The following ZNF90 variants were observed in gnomAD, a reference collection of about 807,000 sequenced individuals.
The protein encoded by ZNF90 is zinc finger protein HTF9.
A neutral mutation model predicts 12.0 loss-of-function variants in ZNF90; 11 were observed. The ratio of observed to expected loss-of-function variants is 0.92; its 90% confidence interval spans 0.58 to 1.52. The LOEUF (loss-of-function observed/expected upper bound fraction) is 1.52. Among genes scored for constraint, ZNF90 ranks in the 40% most tolerant of loss-of-function variants. ZNF90 has a pLI of 0.00. For missense variants in ZNF90, 765 were observed against 711.5 expected, an observed-to-expected ratio of 1.08 and a Z score of -0.86; for synonymous variants, 232 against 240.1, an observed-to-expected ratio of 0.97 and a Z score of 0.31.
rs558352003 is a variant in ZNF90 at position 20,085,885 on chromosome 19, G to T, written c.3+7750G>T. 7.9e-5 allele frequency among the ~76,000 whole-genome samples: 12 copies of T among 152,024 alleles called. No individual in the cohort carries two copies. In the South Asian group the frequency reaches 1.0e-3, roughly 13 times the overall value. On this transcript the variant is annotated intron_variant, in intron 1 of 3. Transcript: ENST00000418063. ...ATTACTTTGTTTTTGCTTCCAAAAT[G>T]TTTATTTTTTTCATTTTTAGTCCTT... is the stretch of plus-strand genomic sequence containing the variant.
intron 3 of ZNF90, among the ~76,000 whole-genome samples, chr19:20,113,782 C>G (rs1365161108): frequency 6.6e-6 from 1 of 151,782 alleles, no homozygotes. Context: ...GAGCGGAGAT[C>G]GCGCCACTGC....
At chr19:20,090,702 G>A (rs2088895517) in intron 1 of ZNF90, among the ~76,000 whole-genome samples, 1 of 152,192 alleles carries the variant, frequency 6.6e-6, no homozygotes, top group Non-Finnish European at 1.5e-5. Context: ...TGGAGGACTG[G>A]AAGATAGTCA....
chr19:20,080,375 G>T, intron 1 of ZNF90: 2 of 429,754 alleles, frequency 4.7e-6, no homozygotes, highest in South Asian at 2.1e-5. Flanking sequence ...TCAGGGCACC[G>T]TATTTCTTCT....
At position 20,109,003 on chromosome 19, in the gene ZNF90, T is replaced by C. The variant is rs142444704; in HGVS notation, c.226+3687T>C. 9.9e-3 allele frequency among the ~76,000 whole-genome samples: 1,503 copies of C among 151,736 alleles called. 27 individuals carry two copies. The highest frequency in any genetic ancestry group is 0.035 in the African/African-American group (1,445 of 41,350). On this transcript the variant is annotated intron_variant, in intron 3 of 3. Transcript: ENST00000418063. The stretch of plus-strand genomic sequence containing the variant: ...CTCCCAAAGTGCTGGGATTACAGTC[T>C]TGAGCCACCGTGCCCGGCTTCAGTG...
chr19:20,079,889 C>G, intron 1 of ZNF90: 1 of 418,614 alleles, frequency 2.4e-6, no homozygotes, highest in Non-Finnish European at 4.7e-6. Context: ...ACTGCTCCTT[C>G]GGGAGACTGC....
intron 3 of ZNF90, among the ~76,000 whole-genome samples, chr19:20,107,757 G>A (rs1321320904): frequency 6.6e-6 from 1 of 152,066 alleles, no homozygotes; most frequent in Non-Finnish European, 1.5e-5. Flanking sequence ...AAATTTGTCT[G>A]CAATTTTAGT....
At chr19:20,091,087 C>T (rs1021864837) in intron 1 of ZNF90, among the ~76,000 whole-genome samples, 3 of 151,784 alleles carry the variant, frequency 2.0e-5, no homozygotes, top group Admixed American at 6.6e-5. Flanking sequence ...AAGAAATGAC[C>T]GCGGTGGCCT....
In ZNF90 at chr19:20,120,714, C is replaced by T. The variant is rs921064548; in HGVS notation, c.*1354C>T. 5 of 152,056 alleles carry T rather than the reference C, an allele frequency of 3.3e-5. No homozygotes were observed. Among genetic ancestry groups the T allele is most frequent in the African/African-American group, 9.7e-5 (4 of 41,414 alleles). 9.4% of individuals were successfully genotyped at this position (152,056 alleles called of 1,614,324 possible). A position where few individuals can be genotyped will look rare whatever the true frequency, so the allele number is the denominator to read the frequency against. On this transcript the variant is annotated 3_prime_UTR_variant, in exon 4 of 4. Transcript: ENST00000418063. ...GTTGAGTATAAAAAAGAATCCACAACAAAAATTGTTAGATAAATTATATAT... is the reference window on the plus strand; with the variant it reads ...GTTGAGTATAAAAAAGAATCCACAATAAAAATTGTTAGATAAATTATATAT...
rs563823409 is a variant in ZNF90 at position 20,083,943 on chromosome 19, A to G, written c.3+5808A>G. Among the ~76,000 whole-genome samples, 228 of 152,170 alleles carry G rather than the reference A, an allele frequency of 1.5e-3. 1 individual carries two copies. Among genetic ancestry groups the G allele is most frequent in the African/African-American group, 5.0e-3 (208 of 41,506 alleles). ...TTTTCTTTTTGTATTTTTTGTGGAG[A>G]CAGGATTTTGCCATGTTGCTTAGGC... On this transcript the variant is annotated intron_variant, in intron 1 of 3. Transcript: ENST00000418063.
chr19:20,113,844 T>G (rs1476944718), intron 3 of ZNF90, among the ~76,000 whole-genome samples: 2 of 152,032 alleles, frequency 1.3e-5, no homozygotes, highest in Non-Finnish European at 2.9e-5. Context: ...ACTCCTAATT[T>G]CAACATCAAT....
intron 1 of ZNF90, among the ~76,000 whole-genome samples, chr19:20,085,075 A>G (rs1237863792): frequency 6.6e-6 from 1 of 152,048 alleles, no homozygotes; most frequent in East Asian, 1.9e-4. Flanking sequence ...TTTTTAATTT[A>G]TCTTCAGTTG....
At chr19:20,108,980 C>G (rs1250366327) in intron 3 of ZNF90, among the ~76,000 whole-genome samples, 1 of 152,070 alleles carries the variant, frequency 6.6e-6, no homozygotes, top group Non-Finnish European at 1.5e-5. Flanking sequence ...ACCTCAGCCT[C>G]CCAAAGTGCT....
intron 1 of ZNF90, among the ~76,000 whole-genome samples, chr19:20,097,013 C>T (rs896862076): frequency 5.3e-5 from 8 of 152,160 alleles, no homozygotes; most frequent in African/African-American, 1.2e-4. Context: ...CACATGGCCT[C>T]GTCAATCTCC....
chr19:20,106,664 T>A lies in ZNF90; in HGVS notation c.226+1348T>A, dbSNP rs147061336. Reference sequence around the variant, plus strand: ...GACACGGGGTTTCACCGTGTTAGCCTGGATGGTCTCGATCTTCTGACCTCG... The same window carrying A: ...GACACGGGGTTTCACCGTGTTAGCCAGGATGGTCTCGATCTTCTGACCTCG... On this transcript the variant is annotated intron_variant, in intron 3 of 3. Transcript: ENST00000418063. Among the ~76,000 whole-genome samples the A allele has an allele frequency of 2.1e-3, 321 of 152,284 alleles. 3 individuals carry two copies. Among genetic ancestry groups the A allele is most frequent in the African/African-American group, 3.4e-3 (141 of 41,570 alleles).
At chr19:20,106,507 T>G (rs1217243044) in intron 3 of ZNF90, among the ~76,000 whole-genome samples, 2 of 152,162 alleles carry the variant, frequency 1.3e-5, no homozygotes, top group Admixed American at 6.5e-5. Flanking sequence ...CAGGCTGGAG[T>G]GCAGTGGCGC....
intron 1 of ZNF90, 34 bp from the exon 2 acceptor site, chr19:20,104,205 T>G: frequency 6.2e-7 from 1 of 1,610,868 alleles, no homozygotes; most frequent in Non-Finnish European, 8.5e-7. Context: ...GACCACTTGG[T>G]AAAAATGTGT....
At chr19:20,104,214 G>C in intron 1 of ZNF90, 25 bp from the exon 2 acceptor site, 3 of 1,611,946 alleles carry the variant, frequency 1.9e-6, no homozygotes, top group Non-Finnish European at 2.5e-6. Context: ...GTAAAAATGT[G>C]TGTGTGTATA....
In ZNF90 at chr19:20,117,847, T is replaced by G; in HGVS notation, c.293T>G (p.Val98Gly). Residue 98 changes from valine (V) to glycine (G), a missense_variant, in exon 4 of 4, where the codon GTG (valine) becomes GGG (glycine). Physicochemically the swap from Val to Gly is moderately radical, Grantham distance 109 (BLOSUM62 -3). Coordinates refer to ENST00000418063, the MANE Select transcript of ZNF90 (RefSeq NM_007138.2). ...EQSLKDSFQK[V>G]IVTRYEKREY... is the part of the protein sequence containing the mutation. ...AGCCTAAAAGATTCCTTCCAAAAAG[T>G]GATAGTGACAAGATATGAAAAACGT... is the stretch of plus-strand genomic sequence containing the variant. 6.2e-7 allele frequency: 1 copy of G among 1,602,800 alleles called. No homozygotes were observed. Among genetic ancestry groups the G allele is most frequent in the Non-Finnish European group, 8.5e-7 (1 of 1,175,302 alleles).
chr19:20,094,826 C>G (rs1263388286), intron 1 of ZNF90, among the ~76,000 whole-genome samples: 1 of 152,182 alleles, frequency 6.6e-6, no homozygotes, highest in African/African-American at 2.4e-5. Context: ...TAAACATTGA[C>G]TGATCTGAGA....
Sources: gnomAD v4.1 joint callset for allele counts (sites outside exome capture counted in the v4.1 genomes callset) on GRCh38, gnomAD v4.1.1 for gene constraint, MANE v1.5 for transcripts, NCBI Gene and HGNC (gene_info 2026-07-23, HGNC 2026-07-21) for gene names.